The following EPM2A variants were observed in gnomAD, a reference collection of about 807,000 sequenced individuals.
The protein encoded by EPM2A is laforin.
Under a neutral mutation model 26.5 loss-of-function variants are expected in EPM2A, and 21 were observed. The ratio of observed to expected loss-of-function variants is 0.79; its 90% CI spans 0.56 to 1.14. EPM2A has a LOEUF of 1.14. Ranked by LOEUF, EPM2A falls within the 50% of genes most tolerant of loss-of-function variation. The pLI is 0.00. For missense variants in EPM2A, 458 were observed against 440.8 expected (o/e 1.04, Z -0.35); for synonymous variants, 217 against 177.6 (o/e 1.22, Z -1.76).
At chr6:145,550,370 G>A (rs1264336638) in intron 2 of EPM2A, among the ~76,000 whole-genome samples, 2 of 151,818 alleles carry the variant, frequency 1.3e-5, no homozygotes, top group Non-Finnish European at 2.9e-5. Flanking sequence ...TATGAAAAGG[G>A]GATATAAGCT....
intron 2 of EPM2A, among the ~76,000 whole-genome samples, chr6:145,507,049 G>A (rs895705118): frequency 6.6e-6 from 1 of 152,072 alleles, no homozygotes; most frequent in African/African-American, 2.4e-5. Context: ...TTATAAGCAT[G>A]GGCCACCACA....
chr6:145,428,073 T>C (rs1224170579), intron 4 of EPM2A, among the ~76,000 whole-genome samples: 1 of 142,414 alleles, frequency 7.0e-6, no homozygotes, highest in Non-Finnish European at 1.5e-5. Flanking sequence ...TTTGTGTTGA[T>C]AGTTTTTTTT....
chr6:145,601,629 C>T (rs1187932515), intron 2 of EPM2A, among the ~76,000 whole-genome samples: 1 of 152,198 alleles, frequency 6.6e-6, no homozygotes, highest in African/African-American at 2.4e-5. Flanking sequence ...ATGTTCAAAG[C>T]ATAATATCAG....
At chr6:145,400,814 T>C (rs1778473950) in intron 4 of EPM2A, among the ~76,000 whole-genome samples, 1 of 152,098 alleles carries the variant, frequency 6.6e-6, no homozygotes, top group African/African-American at 2.4e-5. Flanking sequence ...TGTCTCTTCT[T>C]TCCCTCCTTC....
chr6:145,661,358 G>C (rs1006716334), intron 2 of EPM2A, among the ~76,000 whole-genome samples: 2 of 152,116 alleles, frequency 1.3e-5, no homozygotes, highest in African/African-American at 4.8e-5. Flanking sequence ...TAGTCATAGT[G>C]ACCAGAACAA....
At chr6:145,538,519 G>A (rs1392104676) in intron 2 of EPM2A, among the ~76,000 whole-genome samples, 1 of 152,206 alleles carries the variant, frequency 6.6e-6, no homozygotes, top group East Asian at 1.9e-4. Context: ...AGCTTGAACA[G>A]CAATCAGCAA....
Position 145,489,943 on chromosome 6 carries a change from A to G in EPM2A, c.555+12579T>C, listed in dbSNP as rs973266522. 7 of 1,368,668 alleles carry G rather than the reference A, an allele frequency of 5.1e-6. No homozygotes were observed. The African/African-American group carries it at 1.0e-4, about 20-fold the overall frequency. The allele number at this position is 1,368,668 out of a possible 1,614,324, so 84.8% of individuals were successfully genotyped here. On this transcript the variant is annotated intron_variant, in intron 4 of 4. Coordinates refer to the EPM2A transcript ENST00000638717. Reference sequence around the variant, plus strand: ...ACCCACTTCTAGATAACTTATTTGGACCTGCTCTGGAAGCACACTCGTGTG... The same window carrying G: ...ACCCACTTCTAGATAACTTATTTGGGCCTGCTCTGGAAGCACACTCGTGTG...
intron 2 of EPM2A, among the ~76,000 whole-genome samples, chr6:145,674,623 C>T (rs932966616): frequency 2.0e-5 from 3 of 151,984 alleles, no homozygotes; most frequent in African/African-American, 4.8e-5. Flanking sequence ...AACCATGGCA[C>T]GAGAACCTTG....
At chr6:145,502,991 G>C (rs1334836694) in intron 2 of EPM2A, among the ~76,000 whole-genome samples, 1 of 152,096 alleles carries the variant, frequency 6.6e-6, no homozygotes, top group Admixed American at 6.6e-5. Context: ...TTAATTTTTA[G>C]CTTTAGCTTT....
chr6:145,490,690 T>G (rs1441607594), intron 4 of EPM2A: 8 of 590,828 alleles, frequency 1.4e-5, no homozygotes, highest in Middle Eastern at 2.9e-4. Flanking sequence ...TTCCTTCAAA[T>G]GATAAAACAA....
At position 145,686,156 on chromosome 6, in the gene EPM2A, T is replaced by G. The variant is rs757035668; in HGVS notation, c.442A>C (p.Asn148His). ...EMKHTTDFYFNIAGHQAMHYS... is the reference protein window; with the variant it reads ...EMKHTTDFYFHIAGHQAMHYS... ...TGCATGGCTTGGTGGCCTGCAATAT[T>G]AAAATAGAAGTCTGTTGTGTGCTTC... is the stretch of plus-strand genomic sequence containing the variant. The change falls in exon 2 of 4, where the codon AAT (asparagine) becomes CAT (histidine). Residue 148 changes from asparagine to histidine, a missense_variant. Transcript: ENST00000367519. 1.9e-6 allele frequency: 3 copies of G among 1,613,974 alleles called. No individual in the cohort carries two copies. Among genetic ancestry groups the G allele is most frequent in the Non-Finnish European group, 2.5e-6 (3 of 1,179,914 alleles).
chr6:145,603,857 CTTT>C (rs1781448374), intron 2 of EPM2A, among the ~76,000 whole-genome samples: 1 of 152,120 alleles, frequency 6.6e-6, no homozygotes, highest in South Asian at 2.1e-4. Flanking sequence ...TACTTAACTT[CTTT>C]GAGAGTCCAC....
At chr6:145,690,521 GAAA>G (rs145052340) in intron 1 of EPM2A, among the ~76,000 whole-genome samples, 1,316 of 87,028 alleles carry the variant, frequency 0.015, 5 homozygotes, top group Admixed American at 0.024. Flanking sequence ...CGTCTCAAAA[GAAA>G]AAAAAAAAAA....
chr6:145,459,277 G>A (rs1779299644), intron 4 of EPM2A, among the ~76,000 whole-genome samples: 1 of 152,174 alleles, frequency 6.6e-6, no homozygotes, highest in Non-Finnish European at 1.5e-5. Context: ...AGGCCTAGTT[G>A]AGAAGAGGGC....
chr6:145,506,211 AT>A (rs1779971869), intron 2 of EPM2A, among the ~76,000 whole-genome samples: 1 of 152,220 alleles, frequency 6.6e-6, no homozygotes, highest in Non-Finnish European at 1.5e-5. Flanking sequence ...TATAATGTTT[AT>A]TTTTGTTTTT....
chr6:145,445,993 A>G (rs1779124121), intron 4 of EPM2A, among the ~76,000 whole-genome samples: 2 of 152,216 alleles, frequency 1.3e-5, no homozygotes, highest in East Asian at 3.9e-4. Context: ...CAGTTACCAC[A>G]TAAGTTTAAC....
At chr6:145,663,594 G>C (rs966991649) in intron 2 of EPM2A, among the ~76,000 whole-genome samples, 1 of 151,696 alleles carries the variant, frequency 6.6e-6, no homozygotes, top group Non-Finnish European at 1.5e-5. Context: ...CACTCTGCAG[G>C]ATATTATCCA....
At chr6:145,695,828 T>C (rs1035555643) in intron 1 of EPM2A, among the ~76,000 whole-genome samples, 2 of 152,076 alleles carry the variant, frequency 1.3e-5, no homozygotes, top group African/African-American at 4.8e-5. Context: ...TAGACTGAAA[T>C]ACTGTAATAG....
chr6:145,720,400 T>C (rs1416213772), intron 1 of EPM2A, among the ~76,000 whole-genome samples: 1 of 152,236 alleles, frequency 6.6e-6, no homozygotes, highest in Non-Finnish European at 1.5e-5. Flanking sequence ...AAGTAAATTC[T>C]TCCTCATAAT....
Sources: allele counts gnomAD v4.1 joint callset (sites outside exome capture counted in the v4.1 genomes callset), GRCh38; gene constraint gnomAD v4.1.1; transcripts MANE v1.5; gene names NCBI Gene and HGNC (gene_info 2026-07-23, HGNC 2026-07-21).